GPR176: variants seen among roughly 807,000 people sequenced by gnomAD.
GPR176 encodes the protein G protein-coupled receptor 176.
GPR176 carries 26 observed loss-of-function variants against 35.4 expected under a neutral mutation model. The observed-to-expected ratio is 0.74, with a 90% CI of 0.54 to 1.02. The LOEUF is 1.02. GPR176 is among the 50% of genes least tolerant of loss of function. GPR176 has a pLI of 0.00. For missense variants in GPR176, 597 were observed against 665.3 expected, an observed-to-expected ratio of 0.90 and a Z score of 1.13; for synonymous variants, 278 against 271.3, an observed-to-expected ratio of 1.02 and a Z score of -0.24.
chr15:39,856,527 G>C (rs931984451), intron 1 of GPR176, among the ~76,000 whole-genome samples: 1 of 152,156 alleles, frequency 6.6e-6, no homozygotes, highest in Non-Finnish European at 1.5e-5. Context: ...GAAGGTTAAC[G>C]GGCTGGAGGA....
intron 1 of GPR176, among the ~76,000 whole-genome samples, chr15:39,827,155 C>A (rs1387847276): frequency 6.6e-6 from 1 of 152,168 alleles, no homozygotes; most frequent in East Asian, 1.9e-4. Context: ...ACATATTCAA[C>A]AAGCTATAGG....
At chr15:39,855,050 C>CAA (rs1158490962) in intron 1 of GPR176, among the ~76,000 whole-genome samples, 182 of 121,822 alleles carry the variant, frequency 1.5e-3, no homozygotes, top group African/African-American at 3.9e-3. Flanking sequence ...GACCCTGTCT[C>CAA]AAAAAAAAAA....
chr15:39,857,403 A>C (rs1266713302), intron 1 of GPR176, among the ~76,000 whole-genome samples: 1 of 152,236 alleles, frequency 6.6e-6, no homozygotes, highest in Non-Finnish European at 1.5e-5. Context: ...ACGGCTGGGC[A>C]CAGTGGCTCA....
At position 39,881,016 on chromosome 15, in the gene GPR176, C is replaced by A. The variant is rs114750001; in HGVS notation, c.172+38839G>T. On this transcript the variant is annotated intron_variant, in intron 1 of 2. Transcript: ENST00000561100. ...CCATGGCTCCTTGAGGCCTAGAAGACAAACTCAAAGCTTCCTAACCAGCCA... is the reference window on the plus strand; with the variant it reads ...CCATGGCTCCTTGAGGCCTAGAAGAAAAACTCAAAGCTTCCTAACCAGCCA... Among the ~76,000 whole-genome samples, 1,134 of 152,226 alleles carry A rather than the reference C, an allele frequency of 7.4e-3. 19 individuals carry two copies. Among genetic ancestry groups the A allele is most frequent in the African/African-American group, 0.026 (1,081 of 41,534 alleles).
chr15:39,861,410 C>T (rs2031578094), intron 1 of GPR176, among the ~76,000 whole-genome samples: 1 of 151,948 alleles, frequency 6.6e-6, no homozygotes. Flanking sequence ...ATTAGCTGGG[C>T]ATAGCGGTAT....
rs576115440 is a variant in GPR176 at position 39,910,263 on chromosome 15, C to T, written c.172+9592G>A. ...CCACATTGGAGATAAGTCAAAGGTA[C>T]CTAATTACACAGAAAGCATCGGTAT... On this transcript the variant is annotated intron_variant, in intron 1 of 2. Coordinates refer to ENST00000561100, the MANE Select transcript of GPR176 (RefSeq NM_007223.3). 2.0e-4 allele frequency among the ~76,000 whole-genome samples: 30 copies of T among 152,290 alleles called. No individual in the cohort carries two copies. In the South Asian group the frequency reaches 6.0e-3, roughly 31 times the overall value.
intron 1 of GPR176, among the ~76,000 whole-genome samples, chr15:39,902,617 C>T (rs1431575739): frequency 2.0e-5 from 3 of 152,192 alleles, no homozygotes; most frequent in African/African-American, 4.8e-5. Flanking sequence ...GGTCTGAAAA[C>T]TGAGATTTGA....
chr15:39,880,995 G>A (rs938383387), intron 1 of GPR176, among the ~76,000 whole-genome samples: 7 of 152,040 alleles, frequency 4.6e-5, no homozygotes, highest in South Asian at 2.1e-4. Flanking sequence ...ACCACTCCAT[G>A]GCTCCTTGAG....
chr15:39,888,926 A>G (rs1595508354), intron 1 of GPR176, among the ~76,000 whole-genome samples: 1 of 152,310 alleles, frequency 6.6e-6, no homozygotes, highest in East Asian at 1.9e-4. Context: ...GACTCTTATC[A>G]TCCCTGCTCT....
intron 1 of GPR176, among the ~76,000 whole-genome samples, chr15:39,900,820 CT>C (rs2033255384): frequency 6.6e-6 from 1 of 152,132 alleles, no homozygotes; most frequent in South Asian, 2.1e-4. Context: ...CCAATTCTAT[CT>C]TAGTGAAAGT....
At chr15:39,881,100 A>T (rs1230569924) in intron 1 of GPR176, among the ~76,000 whole-genome samples, 4 of 151,740 alleles carry the variant, frequency 2.6e-5, no homozygotes, top group African/African-American at 9.7e-5. Context: ...TTCACCTTAT[A>T]ATTTATGCTC....
At chr15:39,869,329 A>G (rs1264354456) in intron 1 of GPR176, among the ~76,000 whole-genome samples, 2 of 152,198 alleles carry the variant, frequency 1.3e-5, no homozygotes, top group Non-Finnish European at 2.9e-5. Flanking sequence ...AAAAGAAGGC[A>G]GAGATTCTTG....
chr15:39,902,249 A>G (rs983118289), intron 1 of GPR176, among the ~76,000 whole-genome samples: 4 of 152,220 alleles, frequency 2.6e-5, no homozygotes, highest in Non-Finnish European at 5.9e-5. Context: ...AGGGTGATTT[A>G]CCAGCACTCA....
chr15:39,850,468 C>T (rs953998850), intron 1 of GPR176, among the ~76,000 whole-genome samples: 2 of 152,142 alleles, frequency 1.3e-5, no homozygotes, highest in Non-Finnish European at 2.9e-5. Context: ...GTTCCACATA[C>T]ATATGGTATG....
intron 1 of GPR176, among the ~76,000 whole-genome samples, chr15:39,896,371 T>C (rs1322264832): frequency 6.6e-6 from 1 of 152,228 alleles, no homozygotes; most frequent in Non-Finnish European, 1.5e-5. Flanking sequence ...CTAACCCAAC[T>C]GGCCTTCATG....
chr15:39,881,925 T>C (rs190890355), intron 1 of GPR176, among the ~76,000 whole-genome samples: 38 of 152,344 alleles, frequency 2.5e-4, no homozygotes, highest in Admixed American at 2.4e-3. Flanking sequence ...TTATTCCATT[T>C]GCCAGTGTGT....
At chr15:39,909,697 C>T (rs1042350200) in intron 1 of GPR176, among the ~76,000 whole-genome samples, 1 of 152,218 alleles carries the variant, frequency 6.6e-6, no homozygotes, top group Non-Finnish European at 1.5e-5. Context: ...CTTTAAGCTA[C>T]TGCTTTCCAA....
intron 1 of GPR176, among the ~76,000 whole-genome samples, chr15:39,857,630 A>G (rs1341831305): frequency 6.6e-6 from 1 of 151,908 alleles, no homozygotes; most frequent in Non-Finnish European, 1.5e-5. Context: ...TGATTGCACC[A>G]CTGCACACAA....
chr15:39,893,786 C>A (rs1205914447), intron 1 of GPR176, among the ~76,000 whole-genome samples: 33 of 144,682 alleles, frequency 2.3e-4, no homozygotes, highest in Middle Eastern at 3.6e-3. Context: ...GGGGGCTGAC[C>A]CCCCCACCTC....
Sources: allele counts gnomAD v4.1 joint callset (sites outside exome capture counted in the v4.1 genomes callset), GRCh38; gene constraint gnomAD v4.1.1; transcripts MANE v1.5; gene names NCBI Gene and HGNC (gene_info 2026-07-23, HGNC 2026-07-21).